Variants in GNG7 observed in about 807,000 individuals in gnomAD.
The protein encoded by GNG7 is guanine nucleotide-binding protein G(I)/G(S)/G(O) subunit gamma-7.
GNG7 carries 1 observed loss-of-function variant against 4.0 expected under a neutral mutation model. That is an observed-to-expected ratio of 0.25 (90% CI 0.09 to 1.18). The LOEUF is 1.18. Ranked by LOEUF, GNG7 falls within the 50% of genes most tolerant of loss-of-function variation. GNG7 has a pLI of 0.50. For synonymous variants in GNG7, 34 were observed against 36.9 expected, an observed-to-expected ratio of 0.92 and a Z score of 0.29; for missense variants, 86 against 91.9, an observed-to-expected ratio of 0.94 and a Z score of 0.26.
At chr19:2,602,956 CTTTCTCTT>C (rs1208238613) in intron 2 of GNG7, among the ~76,000 whole-genome samples, 1 of 139,726 alleles carries the variant, frequency 7.2e-6, no homozygotes, top group African/African-American at 3.0e-5. Flanking sequence ...TCTTTCTTTT[CTTTCTCTT>C]TCTTTCTTTC....
At position 2,617,494 on chromosome 19, in the gene GNG7, C is replaced by T. The variant is rs1269784594; in HGVS notation, c.-78+28730G>A. ...TTCAGACTGTTCTTCTCCCCATCCTCCTCTCCACCTCCAGCCCTCAAAGAC... is the reference window on the plus strand; with the variant it reads ...TTCAGACTGTTCTTCTCCCCATCCTTCTCTCCACCTCCAGCCCTCAAAGAC... On this transcript the variant is annotated intron_variant, in intron 2 of 4. Transcript: ENST00000382159. This position sits in a 1 kb window ranked among gnomAD's most constrained non-coding sequence, Gnocchi z 4.7. Among the ~76,000 whole-genome samples the T allele has an allele frequency of 1.3e-5, 2 of 152,266 alleles. No homozygotes were observed. The highest frequency in any genetic ancestry group is 2.1e-4 in the South Asian group (1 of 4,820).
intron 2 of GNG7, chr19:2,643,839 C>T: frequency 2.8e-6 from 1 of 357,780 alleles, no homozygotes; most frequent in Non-Finnish European, 5.5e-6. Context: ...CTGTCATCGA[C>T]TCCCAGAGCT....
At position 2,513,207 on chromosome 19, in the gene GNG7, GC is replaced by G; in HGVS notation, c.*1814del. 1.1e-6 allele frequency: 1 copy of G among 876,900 alleles called. No homozygotes were observed. Among genetic ancestry groups the G allele is most frequent in the Non-Finnish European group, 1.4e-6 (1 of 730,828 alleles). The allele number at this position is 876,900 out of a possible 1,614,324, so 54.3% of individuals were successfully genotyped here. The stretch of plus-strand genomic sequence containing the variant: ...GTCACCAGCTCAGGAAGTGAGCCAA[GC>G]AGGGATCCCCGCCTCACGGGCCTGC... On this transcript the variant is annotated 3_prime_UTR_variant, in exon 5 of 5. Coordinates refer to ENST00000382159, the MANE Select transcript of GNG7 (RefSeq NM_052847.3).
chr19:2,526,448 G>GTATAA (rs57638006), intron 3 of GNG7, among the ~76,000 whole-genome samples: 62,651 of 147,716 alleles, frequency 0.42, 13,647 homozygotes, highest in African/African-American at 0.54. Context: ...TTATACTATA[G>GTATAA]TATTATACAT....
intron 2 of GNG7, among the ~76,000 whole-genome samples, chr19:2,568,179 A>T (rs1305441407): frequency 6.6e-6 from 1 of 151,046 alleles, no homozygotes; most frequent in African/African-American, 2.5e-5. Flanking sequence ...ACACACATAC[A>T]CACATGCACA....
At chr19:2,575,038 G>A (rs1384655832) in intron 2 of GNG7, among the ~76,000 whole-genome samples, 1 of 151,896 alleles carries the variant, frequency 6.6e-6, no homozygotes, top group East Asian at 1.9e-4. Flanking sequence ...AAGAAAGGCT[G>A]GTTGGAATCT....
At chr19:2,695,685 T>C (rs1913228531) in intron 1 of GNG7, among the ~76,000 whole-genome samples, 1 of 151,738 alleles carries the variant, frequency 6.6e-6, no homozygotes, top group African/African-American at 2.4e-5. Context: ...TGGGGTGCCA[T>C]CATGTGGGTG....
chr19:2,645,855 G>C (rs758351743), intron 2 of GNG7, among the ~76,000 whole-genome samples: 3 of 152,166 alleles, frequency 2.0e-5, no homozygotes, highest in Non-Finnish European at 2.9e-5. Flanking sequence ...CCAGCGACGG[G>C]TCACTCTCCA....
intron 3 of GNG7, among the ~76,000 whole-genome samples, chr19:2,544,770 G>A (rs1048741869): frequency 6.6e-6 from 1 of 152,276 alleles, no homozygotes; most frequent in South Asian, 2.1e-4. Flanking sequence ...ATCTGTGGTT[G>A]TCGGGGTTGG....
intron 3 of GNG7, among the ~76,000 whole-genome samples, chr19:2,550,707 A>G (rs1979289646): frequency 6.6e-6 from 1 of 152,192 alleles, no homozygotes; most frequent in African/African-American, 2.4e-5. Flanking sequence ...GCCTCTGGCC[A>G]GCCCCCGGGC....
chr19:2,584,478 TC>T, intron 2 of GNG7, among the ~76,000 whole-genome samples: 1 of 150,542 alleles, frequency 6.6e-6, no homozygotes, highest in African/African-American at 2.4e-5. Context: ...TGGTGATGTG[TC>T]CCAGCTACTT....
chr19:2,573,426 C>T (rs1447042674), intron 2 of GNG7, among the ~76,000 whole-genome samples: 2 of 152,134 alleles, frequency 1.3e-5, no homozygotes, highest in Admixed American at 6.6e-5. Flanking sequence ...CTTAGGGAAG[C>T]GGCTAGAAGA....
chr19:2,579,764 T>C (rs1980448356), intron 2 of GNG7, among the ~76,000 whole-genome samples: 1 of 152,130 alleles, frequency 6.6e-6, no homozygotes, highest in Non-Finnish European at 1.5e-5. Context: ...GACATCCCCA[T>C]TTCCCAGGAA....
intron 1 of GNG7, among the ~76,000 whole-genome samples, chr19:2,652,436 A>G (rs989646852): frequency 2.0e-5 from 3 of 151,932 alleles, no homozygotes; most frequent in African/African-American, 7.3e-5. Context: ...CCTGGCTAAC[A>G]TGGTGAAAGC....
At position 2,514,673 on chromosome 19, in the gene GNG7, C is replaced by T. The variant is rs754739487; in HGVS notation, c.*349G>A. The T allele has an allele frequency of 1.2e-4, 22 of 177,760 alleles. No homozygotes were observed. Among genetic ancestry groups the T allele is most frequent in the Non-Finnish European group, 2.2e-4 (18 of 83,582 alleles). The allele number at this position is 177,760 out of a possible 1,614,324, so 11.0% of individuals were successfully genotyped here. A position where few individuals can be genotyped will look rare whatever the true frequency, so the allele number is the denominator to read the frequency against. On this transcript the variant is annotated 3_prime_UTR_variant, in exon 5 of 5. Transcript: ENST00000382159. The stretch of plus-strand genomic sequence containing the variant: ...CCTCGGCGCCGGTCCACAATTGAAA[C>T]GGCAATCGAGAGTTTTAAAAAATTG...
rs1352930858 is a variant in GNG7 at position 2,626,359 on chromosome 19, C to T, written c.-78+19865G>A. On this transcript the variant is annotated intron_variant, in intron 2 of 4. Coordinates refer to ENST00000382159, the MANE Select transcript of GNG7 (RefSeq NM_052847.3). This position sits in a 1 kb window ranked among gnomAD's most constrained non-coding sequence, Gnocchi z 5.0. ...CTCACCCCCTCTGTGCCTCAGTTTC[C>T]TAATCTGTCACACAGGGAGGCTGGA... Among the ~76,000 whole-genome samples, 2 of 152,126 alleles carry T rather than the reference C, an allele frequency of 1.3e-5. No homozygotes were observed. Among genetic ancestry groups the T allele is most frequent in the African/African-American group, 4.8e-5 (2 of 41,418 alleles).
intron 2 of GNG7, among the ~76,000 whole-genome samples, chr19:2,629,596 A>T (rs1982105600): frequency 6.6e-6 from 1 of 152,200 alleles, no homozygotes; most frequent in Admixed American, 6.5e-5. Flanking sequence ...GAGGTAGTGG[A>T]CAAGACCTCA....
rs1199124156 is a variant in GNG7 at position 2,540,071 on chromosome 19, T to TCC, written c.-38+15076_-38+15077dup. Among the ~76,000 whole-genome samples the TCC allele has an allele frequency of 1.9e-4, 15 of 80,452 alleles. 1 individual carries two copies. The highest frequency in any genetic ancestry group is 3.2e-4 in the Admixed American group (2 of 6,314). The allele number at this position is 80,452 out of a possible 152,430, so 52.8% of individuals were successfully genotyped here. On this transcript the variant is annotated intron_variant, in intron 3 of 4. Coordinates refer to ENST00000382159, the MANE Select transcript of GNG7 (RefSeq NM_052847.3). The stretch of plus-strand genomic sequence containing the variant: ...CTCCCTCCCTTCCTTCCCTCCTCCC[T>TCC]CCCTCTCTCTCTCTCTCTGTTTCTT...
intron 3 of GNG7, among the ~76,000 whole-genome samples, chr19:2,551,706 CAG>C (rs1419754550): frequency 1.2e-5 from 1 of 85,430 alleles, no homozygotes; most frequent in Non-Finnish European, 2.1e-5. Context: ...TATTTTGAGA[CAG>C]AGTCTCGCTC....
Sources: gnomAD v4.1 joint callset for allele counts (sites outside exome capture counted in the v4.1 genomes callset) on GRCh38, gnomAD v4.1.1 for gene constraint, Gnocchi (gnomAD v3.1) non-coding constraint, MANE v1.5 for transcripts, NCBI Gene and HGNC (gene_info 2026-07-23, HGNC 2026-07-21) for gene names.